EXOC6: variants seen among roughly 807,000 people sequenced by gnomAD.
EXOC6 encodes the protein exocyst complex component 6, also known as SEC15-like 1.
In EXOC6, 60 loss-of-function variants were observed where a neutral mutation model predicts 112.5. The observed-to-expected ratio is 0.53, with a 90% CI of 0.43 to 0.66. EXOC6 has a LOEUF of 0.66. Ranked by LOEUF, EXOC6 falls within the 30% of genes least tolerant of loss-of-function variation. The probability of loss-of-function intolerance (pLI) is 0.00; values close to 1 mark genes in which losing one functional copy is unlikely to be tolerated. For missense variants in EXOC6, 855 were observed against 957.1 expected, an observed-to-expected ratio of 0.89 and a Z score of 1.41; for synonymous variants, 295 against 308.0, an observed-to-expected ratio of 0.96 and a Z score of 0.44.
chr10:92,946,550 G>GT (rs1853023244), intron 13 of EXOC6, among the ~76,000 whole-genome samples: 2 of 152,030 alleles, frequency 1.3e-5, no homozygotes, highest in Admixed American at 6.6e-5. Context: ...GCTTTTTCCA[G>GT]TTTATCCTTC....
chr10:93,017,986 G>C (rs960299422), intron 20 of EXOC6, among the ~76,000 whole-genome samples: 2 of 149,732 alleles, frequency 1.3e-5, no homozygotes, highest in Non-Finnish European at 3.0e-5. Context: ...CTCCAGCTTG[G>C]GCAACAAGAG....
At chr10:92,879,885 G>A (rs1291989130) in intron 1 of EXOC6, among the ~76,000 whole-genome samples, 1 of 152,132 alleles carries the variant, frequency 6.6e-6, no homozygotes, top group Non-Finnish European at 1.5e-5. Context: ...GCCTGGAATT[G>A]CCAGATAATT....
At chr10:92,966,794 G>T (rs1031343732) in intron 17 of EXOC6, among the ~76,000 whole-genome samples, 7 of 148,612 alleles carry the variant, frequency 4.7e-5, no homozygotes, top group Non-Finnish European at 8.9e-5. Flanking sequence ...AGTCCTTTGG[G>T]TATATACCCA....
chr10:92,920,120 C>G, intron 8 of EXOC6, 70 bp downstream of exon 8: 1 of 944,442 alleles, frequency 1.1e-6, no homozygotes, highest in Non-Finnish European at 1.6e-6. Context: ...ATTTTAGGCC[C>G]TAAAAATTGA....
chr10:93,028,620 A>T (rs1845127246), intron 20 of EXOC6, among the ~76,000 whole-genome samples: 2 of 152,138 alleles, frequency 1.3e-5, no homozygotes, highest in South Asian at 4.1e-4. Flanking sequence ...GGATCACCTG[A>T]GGTCGGGAGA....
chr10:93,003,973 T>C (rs1843869750), intron 19 of EXOC6, among the ~76,000 whole-genome samples: 1 of 152,192 alleles, frequency 6.6e-6, no homozygotes, highest in African/African-American at 2.4e-5. Flanking sequence ...ATGGAGCTTT[T>C]TAATTAGGAC....
At chr10:92,872,007 G>C (rs1264356951) in intron 1 of EXOC6, among the ~76,000 whole-genome samples, 3 of 151,730 alleles carry the variant, frequency 2.0e-5, no homozygotes, top group African/African-American at 7.3e-5. Context: ...CTGTTTAGTA[G>C]TTCCATACAT....
chr10:92,992,980 A>G (rs1254302920), intron 18 of EXOC6, among the ~76,000 whole-genome samples: 2 of 151,362 alleles, frequency 1.3e-5, no homozygotes, highest in African/African-American at 2.4e-5. Flanking sequence ...AGACTGTTTC[A>G]TATTCTCATA....
chr10:93,009,799 G>A (rs1177708670), intron 19 of EXOC6, among the ~76,000 whole-genome samples: 1 of 152,220 alleles, frequency 6.6e-6, no homozygotes, highest in Non-Finnish European at 1.5e-5. Flanking sequence ...CTAGGGAAAT[G>A]ATGAGATGAG....
chr10:92,831,084 AG>A (rs1459262983), upstream of EXOC6, among the ~76,000 whole-genome samples: 1 of 152,224 alleles, frequency 6.6e-6, no homozygotes, highest in East Asian at 1.9e-4. Context: ...TTTGAATAAA[AG>A]GAAGATGCTG....
chr10:92,940,332 A>T (rs1415961870), intron 12 of EXOC6, among the ~76,000 whole-genome samples: 1 of 152,154 alleles, frequency 6.6e-6, no homozygotes, highest in East Asian at 1.9e-4. Flanking sequence ...GAAGGTGCAA[A>T]AGGAAGCCAG....
intron 1 of EXOC6, among the ~76,000 whole-genome samples, chr10:92,841,597 G>T (rs74149155): frequency 0.03 from 4,598 of 152,158 alleles, 167 homozygotes; most frequent in East Asian, 0.14. Flanking sequence ...TATGAGACTC[G>T]GCTATACAGT....
intron 20 of EXOC6, among the ~76,000 whole-genome samples, chr10:93,054,936 G>T (rs1035164299): frequency 4.6e-5 from 6 of 129,798 alleles, no homozygotes; most frequent in Non-Finnish European, 9.0e-5. Flanking sequence ...CATATCCATT[G>T]TAGAGTATTA....
upstream of EXOC6, chr10:92,831,413 T>A: frequency 2.1e-6 from 2 of 963,800 alleles, no homozygotes; most frequent in Non-Finnish European, 2.8e-6. Context: ...ATAGTATTCT[T>A]CTATACTATA....
intron 1 of EXOC6, among the ~76,000 whole-genome samples, chr10:92,837,265 A>T (rs1175836787): frequency 6.6e-6 from 1 of 152,218 alleles, no homozygotes; most frequent in African/African-American, 2.4e-5. Flanking sequence ...ATACGAGCTC[A>T]TGGGCTAATG....
chr10:92,940,784 T>G lies in EXOC6; in HGVS notation c.1270T>G (p.Tyr424Asp). 6.2e-7 allele frequency: 1 copy of G among 1,611,538 alleles called. No homozygotes were observed. ...CCTTTTATTTGAAATAAGAGACCAA[T>G]ACAATGAAACACTGCTTAAGAAATG... ...FDLLFEIRDQ[Y>D]NETLLKKWAG... The change falls in exon 13 of 22, where the codon TAC (tyrosine) becomes GAC (aspartate). Residue 424 changes from tyrosine to aspartate, a missense_variant. Transcript: ENST00000260762.
chr10:92,919,162 T>G (rs1851286858), intron 7 of EXOC6, among the ~76,000 whole-genome samples: 1 of 152,220 alleles, frequency 6.6e-6, no homozygotes, highest in Non-Finnish European at 1.5e-5. Flanking sequence ...TCTGTATATC[T>G]TTCCTGCTGG....
intron 14 of EXOC6, 136 bp downstream of exon 14, chr10:92,948,515 AAACT>A (rs755199714): frequency 2.3e-5 from 13 of 562,866 alleles, no homozygotes; most frequent in African/African-American, 3.9e-5. Context: ...TGTATTGAGA[AAACT>A]AACTATGTTC....
chr10:92,831,460 G>A, upstream of EXOC6: 1 of 579,660 alleles, frequency 1.7e-6, no homozygotes, highest in Non-Finnish European at 2.6e-6. Flanking sequence ...TCGAGTTGGA[G>A]TCTCACTCTG....
Sources: allele counts gnomAD v4.1 joint callset (sites outside exome capture counted in the v4.1 genomes callset), GRCh38; gene constraint gnomAD v4.1.1; transcripts MANE v1.5; gene names NCBI Gene and HGNC (gene_info 2026-07-23, HGNC 2026-07-21).